Variants in VAPA observed in about 807,000 individuals in gnomAD.
VAPA encodes vesicle-associated membrane protein-associated protein A.
A neutral mutation model predicts 25.6 loss-of-function variants in VAPA; 6 were observed. The observed-to-expected ratio is 0.23, with a 90% CI of 0.13 to 0.46. The LOEUF is 0.46. VAPA is among the 20% of genes least tolerant of loss of function. The pLI, the probability that VAPA is intolerant of heterozygous loss-of-function variation, is 0.99. For missense variants in VAPA, 244 were observed against 302.1 expected (o/e 0.81, Z 1.43); for synonymous variants, 112 against 106.2 (o/e 1.05, Z -0.34).
rs29207 is a variant in VAPA, at chr18:9,924,596, A to G, written c.80-7214A>G. Among the ~76,000 whole-genome samples the G allele has an allele frequency of 6.3e-3, 958 of 152,310 alleles. 6 individuals carry two copies. The highest frequency in any genetic ancestry group is 6.9e-3 in the Non-Finnish European group (472 of 68,006). On this transcript the variant is annotated intron_variant, in intron 1 of 5. Transcript: ENST00000400000. Reference sequence around the variant, plus strand: ...TCAGAATACCTTAAAAAGCACTCCTAAAACGTTTAAGGTAGTTTTTTAAGA... The same window carrying G: ...TCAGAATACCTTAAAAAGCACTCCTGAAACGTTTAAGGTAGTTTTTTAAGA...
intron 4 of VAPA, among the ~76,000 whole-genome samples, chr18:9,938,802 G>A (rs1056351085): frequency 1.3e-5 from 2 of 152,178 alleles, no homozygotes; most frequent in Non-Finnish European, 2.9e-5. Flanking sequence ...AAACTTAGAA[G>A]CACCTAGAAG....
At position 9,954,352 on chromosome 18, in the gene VAPA, A is replaced by G; in HGVS notation, c.*141A>G. ...CAGCGTCATATAGGCTTTGCCTTTA[A>G]TGATCTCTTACGGTTAGAAAACACA... On this transcript the variant is annotated 3_prime_UTR_variant, in exon 6 of 6. Transcript: ENST00000400000. 2 of 710,988 alleles carry G rather than the reference A, an allele frequency of 2.8e-6. No homozygotes were observed. Among genetic ancestry groups the G allele is most frequent in the Non-Finnish European group, 4.7e-6 (2 of 429,094 alleles). The allele number at this position is 710,988 out of a possible 1,614,324, so 44.0% of individuals were successfully genotyped here.
chr18:9,925,144 A>G (rs2069189622), intron 1 of VAPA: 1 of 152,184 alleles, frequency 6.6e-6, no homozygotes, highest in Non-Finnish European at 1.5e-5. Context: ...CAGAATGGGA[A>G]TACTGGTTTA....
chr18:9,935,236 G>T (rs2069297089), intron 2 of VAPA, among the ~76,000 whole-genome samples: 1 of 151,860 alleles, frequency 6.6e-6, no homozygotes, highest in Admixed American at 6.6e-5. Context: ...CTCTGAAATA[G>T]ATGTTTATTT....
At chr18:9,936,813 A>G in intron 3 of VAPA, 173 bp from the exon 4 acceptor site, 1 of 545,778 alleles carries the variant, frequency 1.8e-6, no homozygotes, top group South Asian at 2.6e-5. Context: ...AGGATTATAT[A>G]AAGGTTCTGT....
intron 5 of VAPA, 140 bp downstream of exon 5, chr18:9,950,708 A>C: frequency 1.3e-6 from 1 of 751,158 alleles, no homozygotes; most frequent in Non-Finnish European, 2.1e-6. Context: ...TTTGCTCCCC[A>C]CCCTACTCCT....
At chr18:9,944,853 A>G (rs2143405513) in intron 4 of VAPA, 6 of 1,539,968 alleles carry the variant, frequency 3.9e-6, no homozygotes, top group Non-Finnish European at 5.3e-6. Flanking sequence ...TGTGTCAGTC[A>G]TTCCCAATAT....
chr18:9,921,410 A>G (rs2069155838), intron 1 of VAPA, among the ~76,000 whole-genome samples: 1 of 152,208 alleles, frequency 6.6e-6, no homozygotes, highest in African/African-American at 2.4e-5. Context: ...ATATATGACA[A>G]TTGAGTACAA....
At chr18:9,919,423 C>T (rs534149083) in intron 1 of VAPA, among the ~76,000 whole-genome samples, 14 of 152,218 alleles carry the variant, frequency 9.2e-5, no homozygotes, top group African/African-American at 3.4e-4. Context: ...GTGAGTGAAA[C>T]ACAAGCCATG....
In VAPA at chr18:9,944,804, A is replaced by G. The variant is rs2069404100; in HGVS notation, c.418-5591A>G. The G allele has an allele frequency of 4.0e-6, 5 of 1,246,632 alleles. No homozygotes were observed. The South Asian group carries it at 5.4e-5, about 13-fold the overall frequency. 77.2% of individuals were successfully genotyped at this position (1,246,632 alleles called of 1,614,324 possible). ...AGTATTGTTTCTTATGCATTAATGC[A>G]TTTTTATAAAGTGTTAATGTTTAGA... On this transcript the variant is annotated intron_variant, in intron 4 of 5. Transcript: ENST00000400000.
intron 4 of VAPA, chr18:9,949,186 G>A (rs1422384097): frequency 6.6e-6 from 1 of 152,184 alleles, no homozygotes; most frequent in South Asian, 2.1e-4. Flanking sequence ...GGGAGAAATG[G>A]GGGTGAAGAA....
intron 3 of VAPA, chr18:9,936,528 A>T (rs1599108054): frequency 4.6e-6 from 1 of 215,586 alleles, no homozygotes; most frequent in Non-Finnish European, 9.0e-6. Flanking sequence ...AGGCGACATG[A>T]CAAGACCCTG....
intron 4 of VAPA, among the ~76,000 whole-genome samples, chr18:9,939,513 C>CCT (rs1361795143): frequency 2.3e-5 from 3 of 128,274 alleles, no homozygotes; most frequent in African/African-American, 8.8e-5. Flanking sequence ...TGTTACGTTT[C>CCT]CTCTCTTTTT....
intron 1 of VAPA, chr18:9,924,047 CT>C (rs1381188046): frequency 6.6e-6 from 1 of 152,260 alleles, no homozygotes; most frequent in East Asian, 1.9e-4. Flanking sequence ...AAAATAACCT[CT>C]GTTAACATTT....
chr18:9,914,904 G>A (rs1480416940), intron 1 of VAPA: 1 of 152,526 alleles, frequency 6.6e-6, no homozygotes, highest in Admixed American at 6.5e-5. Context: ...CCGGCCCGGG[G>A]AGAGCTCGCT....
chr18:9,916,660 T>C (rs2069114339), intron 1 of VAPA, among the ~76,000 whole-genome samples: 1 of 152,238 alleles, frequency 6.6e-6, no homozygotes, highest in South Asian at 2.1e-4. Context: ...AACCTTTGTG[T>C]ATTTAAATGC....
chr18:9,932,106 A>G lies in VAPA; in HGVS notation c.232+144A>G, dbSNP rs965450903. 26 of 596,418 alleles carry G rather than the reference A, an allele frequency of 4.4e-5. No homozygotes were observed. The African/African-American group carries it at 4.9e-4, about 11-fold the overall frequency. The allele number at this position is 596,418 out of a possible 1,614,324, so 36.9% of individuals were successfully genotyped here. A position where few individuals can be genotyped will look rare whatever the true frequency, so the allele number is the denominator to read the frequency against. The stretch of plus-strand genomic sequence containing the variant: ...GCCTTTAAAGATGTCTTGTTACAGT[A>G]CTCTGCAAGCTGTTTCAGAAAATTT... On this transcript the variant is annotated intron_variant, in intron 2 of 5. Transcript: ENST00000400000.
rs1184314992 is a variant in VAPA, at chr18:9,958,627, G to A, written c.*4416G>A. On this transcript the variant is annotated 3_prime_UTR_variant, in exon 6 of 6. Coordinates refer to ENST00000400000, the MANE Select transcript of VAPA (RefSeq NM_194434.3). ...TCAAGCTCCAATCATCGGCCAGACA[G>A]TTGCTTTATGTAGGTTTTTAAATGC... The A allele has an allele frequency of 6.6e-6, 1 of 152,050 alleles. No individual in the cohort carries two copies. Among genetic ancestry groups the A allele is most frequent in the African/African-American group, 2.4e-5 (1 of 41,416 alleles). The allele number at this position is 152,050 out of a possible 1,614,324, so 9.4% of individuals were successfully genotyped here.
chr18:9,933,904 A>C (rs914973707), intron 2 of VAPA, among the ~76,000 whole-genome samples: 2 of 152,238 alleles, frequency 1.3e-5, no homozygotes, highest in African/African-American at 4.8e-5. Context: ...TTATATCCCT[A>C]GGAATCCATA....
Sources: gnomAD v4.1 joint callset for allele counts (sites outside exome capture counted in the v4.1 genomes callset) on GRCh38, gnomAD v4.1.1 for gene constraint, MANE v1.5 for transcripts, NCBI Gene and HGNC (gene_info 2026-07-23, HGNC 2026-07-21) for gene names.